The following SLC12A7 variants were observed in gnomAD, a reference collection of about 807,000 sequenced individuals.
SLC12A7 encodes the protein solute carrier family 12 member 7.
Under a neutral mutation model 120.6 loss-of-function variants are expected in SLC12A7, and 100 were observed. That is an observed-to-expected ratio of 0.83 (90% CI 0.71 to 0.98). The LOEUF (loss-of-function observed/expected upper bound fraction) is 0.98. Among genes scored for constraint, SLC12A7 ranks in the 50% least tolerant of loss-of-function variants. The pLI is 0.00. For synonymous variants in SLC12A7, 760 were observed against 678.0 expected (o/e 1.12, Z -1.88); for missense variants, 1,373 against 1,548.1 (o/e 0.89, Z 1.90).
At position 1,078,867 on chromosome 5, in the gene SLC12A7, C is replaced by T. The variant is rs377696256; in HGVS notation, c.1397-109G>A. On this transcript the variant is annotated intron_variant, in intron 10 of 23. Coordinates refer to ENST00000264930, the MANE Select transcript of SLC12A7 (RefSeq NM_006598.3). ...TGGGGAGATGCACTGGCCAGCGGGC[C>T]GCAGGATCCAGGTGGGCGGGGACCG... The T allele has an allele frequency of 3.9e-5, 29 of 739,432 alleles. 1 individual carries two copies. The highest frequency in any genetic ancestry group is 2.1e-4 in the South Asian group (13 of 60,878). 45.8% of individuals were successfully genotyped at this position (739,432 alleles called of 1,614,324 possible).
chr5:1,128,731 A>G, the SLC12A7 span, among the ~76,000 whole-genome samples: 4 of 152,282 alleles, frequency 2.6e-5, no homozygotes, highest in South Asian at 8.3e-4. Flanking sequence ...GTGTGCATGT[A>G]TGTGTGCGTG....
At chr5:1,148,337 G>C in the SLC12A7 span, among the ~76,000 whole-genome samples, 2 of 150,364 alleles carry the variant, frequency 1.3e-5, no homozygotes, top group African/African-American at 4.9e-5. Context: ...CTCCCTACTA[G>C]CTGGGACTAC....
chr5:1,052,967 G>A (rs1047044667), intron 23 of SLC12A7, among the ~76,000 whole-genome samples: 1 of 152,192 alleles, frequency 6.6e-6, no homozygotes, highest in Non-Finnish European at 1.5e-5. Context: ...TTAAAGCCGA[G>A]AGCTGGGCTC....
At chr5:1,114,090 A>T (rs1419207195), upstream of SLC12A7, among the ~76,000 whole-genome samples, 1 of 152,222 alleles carries the variant, frequency 6.6e-6, no homozygotes, top group East Asian at 1.9e-4. Flanking sequence ...TCCCGGACTC[A>T]GGACTCATCA....
the SLC12A7 span, among the ~76,000 whole-genome samples, chr5:1,147,729 CTTT>C: frequency 3.1e-4 from 47 of 152,152 alleles, no homozygotes; most frequent in Non-Finnish European, 5.7e-4. Flanking sequence ...CCTGTAACTT[CTTT>C]ATTTAATTAA....
Position 1,074,635 on chromosome 5 carries a change from T to C in SLC12A7, c.2004A>G (p.Leu668=), listed in dbSNP as rs148203134. 57 of 1,612,654 alleles carry C rather than the reference T, an allele frequency of 3.5e-5. No homozygotes were observed. The highest frequency in any genetic ancestry group is 4.3e-5 in the Non-Finnish European group (51 of 1,179,914). Reference sequence around the variant, plus strand: ...GGGCGTAGCGGGCGGCGTTCAGGGATAGGCCACGGATGCCATCGCCCCACT... The same window carrying C: ...GGGCGTAGCGGGCGGCGTTCAGGGACAGGCCACGGATGCCATCGCCCCACT... ...EKEWGDGIRG[L]SLNAARYALL... The change falls in exon 16 of 24, where the codon CTA becomes CTG. Residue 668 remains leucine (L), a synonymous_variant. Coordinates refer to ENST00000264930, the MANE Select transcript of SLC12A7 (RefSeq NM_006598.3).
At chr5:1,056,589 C>T in intron 22 of SLC12A7, 1 of 985,516 alleles carries the variant, frequency 1.0e-6, no homozygotes, top group Non-Finnish European at 1.2e-6. Context: ...TACAGGTTTC[C>T]CCATTCTCTA....
At chr5:1,102,264 G>A (rs534036412) in intron 1 of SLC12A7, among the ~76,000 whole-genome samples, 1 of 152,214 alleles carries the variant, frequency 6.6e-6, no homozygotes, top group Non-Finnish European at 1.5e-5. Context: ...GACCCATCCC[G>A]ATCCAGGCCT....
chr5:1,069,985 C>G (rs1463394421), intron 17 of SLC12A7, among the ~76,000 whole-genome samples: 5 of 146,650 alleles, frequency 3.4e-5, no homozygotes, highest in Admixed American at 1.3e-4. Context: ...CGGCATCACA[C>G]TTAACGCAGC....
At chr5:1,115,894 G>T (rs142744288), upstream of SLC12A7, among the ~76,000 whole-genome samples, 3 of 151,950 alleles carry the variant, frequency 2.0e-5, no homozygotes, top group African/African-American at 4.8e-5. Flanking sequence ...GGGAAGGGAG[G>T]CCCCAGTTAC....
intron 20 of SLC12A7, among the ~76,000 whole-genome samples, chr5:1,063,501 G>A (rs1736537605): frequency 6.6e-6 from 1 of 152,144 alleles, no homozygotes; most frequent in Non-Finnish European, 1.5e-5. Context: ...GTGTCCACAA[G>A]CAACACACGG....
chr5:1,155,482 G>A, the SLC12A7 span, among the ~76,000 whole-genome samples: 1 of 151,398 alleles, frequency 6.6e-6, no homozygotes, highest in Non-Finnish European at 1.5e-5. Context: ...GGACAGGGCG[G>A]GATCCCCGCA....
At position 1,050,418 on chromosome 5, in the gene SLC12A7, C is replaced by T. The variant is rs889307085; in HGVS notation, c.*1942G>A. 2.6e-5 allele frequency: 4 copies of T among 155,896 alleles called. No homozygotes were observed. Among genetic ancestry groups the T allele is most frequent in the Non-Finnish European group, 4.2e-5 (3 of 71,390 alleles). 9.7% of individuals were successfully genotyped at this position (155,896 alleles called of 1,614,324 possible). On this transcript the variant is annotated 3_prime_UTR_variant, in exon 24 of 24. Coordinates refer to ENST00000264930, the MANE Select transcript of SLC12A7 (RefSeq NM_006598.3). ...ATAGGATTTTATTTTTCTACTAACA[C>T]AGACAGACAGGGAAACCTACAAAAG...
Position 1,063,990 on chromosome 5 carries a change from G to C in SLC12A7, c.2608-15C>G. The stretch of plus-strand genomic sequence containing the variant: ...TTCCTCCACACCTGCAGACAGGGAG[G>C]GCATGGCTGTGGGGCCTCAGAGGAG... On this transcript the variant is annotated splice_polypyrimidine_tract_variant and intron_variant, in intron 19 of 23. Coordinates refer to ENST00000264930, the MANE Select transcript of SLC12A7 (RefSeq NM_006598.3). 1 of 1,611,346 alleles carries C rather than the reference G, an allele frequency of 6.2e-7. No individual in the cohort carries two copies. The highest frequency in any genetic ancestry group is 8.5e-7 in the Non-Finnish European group (1 of 1,179,120).
chr5:1,107,363 T>TGA (rs1257156572), intron 1 of SLC12A7, among the ~76,000 whole-genome samples: 4 of 152,178 alleles, frequency 2.6e-5, no homozygotes, highest in Non-Finnish European at 5.9e-5. Flanking sequence ...CATCTGGGAA[T>TGA]CCCTGGGTCA....
chr5:1,073,212 ATGCAGCCCCCAGTGAGCCCCCAGC>A (rs1327220123), intron 17 of SLC12A7, among the ~76,000 whole-genome samples: 150 of 10,622 alleles, frequency 0.014, 16 homozygotes, highest in Non-Finnish European at 0.011. Flanking sequence ...CATCACACTT[ATGCAGCCCCCAGTGAGCCCCCAGC>A]ACACGGGCAT....
At chr5:1,087,972 A>G (rs1740072748) in intron 5 of SLC12A7, among the ~76,000 whole-genome samples, 1 of 152,248 alleles carries the variant, frequency 6.6e-6, no homozygotes, top group African/African-American at 2.4e-5. Context: ...CTCGTGAGAT[A>G]CAGGTTCCAA....
At chr5:1,057,112 C>T (rs1314404189) in intron 22 of SLC12A7, 10 of 214,096 alleles carry the variant, frequency 4.7e-5, no homozygotes, top group Non-Finnish European at 7.3e-5. Flanking sequence ...GTGGGGTTAA[C>T]ATCAGGACCC....
chr5:1,145,856 T>C, the SLC12A7 span, among the ~76,000 whole-genome samples: 6 of 152,210 alleles, frequency 3.9e-5, no homozygotes, highest in African/African-American at 1.4e-4. This position sits in a 1 kb window ranked among gnomAD's most constrained non-coding sequence, Gnocchi z 4.4. Flanking sequence ...ATTTTTTGTA[T>C]TGTGATAAAA....
Sources: gnomAD v4.1 joint callset for allele counts (sites outside exome capture counted in the v4.1 genomes callset) on GRCh38, gnomAD v4.1.1 for gene constraint, Gnocchi (gnomAD v3.1) non-coding constraint, MANE v1.5 for transcripts, NCBI Gene and HGNC (gene_info 2026-07-23, HGNC 2026-07-21) for gene names.